BCLAF3: variants seen among roughly 807,000 people sequenced by gnomAD.
BCLAF3 encodes transient octamer binding factor 1.
BCLAF3 carries 24 observed loss-of-function variants against 51.2 expected under a neutral mutation model. The observed-to-expected ratio is 0.47, with a 90% CI of 0.34 to 0.66. The LOEUF is 0.66. Ranked by LOEUF, BCLAF3 falls within the 30% of genes least tolerant of loss-of-function variation. The pLI, the probability that BCLAF3 is intolerant of heterozygous loss-of-function variation, is 0.01. For missense variants in BCLAF3, 465 were observed against 525.1 expected (o/e 0.89, Z 1.12); for synonymous variants, 152 against 176.6 (o/e 0.86, Z 1.10).
At chrX:19,952,728 G>C (rs1248378119) in intron 7 of BCLAF3, among the ~76,000 whole-genome samples, 1 of 111,794 alleles carries the variant, frequency 8.9e-6, no homozygotes, top group African/African-American at 3.3e-5. Flanking sequence ...ATCAAATGCT[G>C]TAATTGCGTG....
intron 11 of BCLAF3, among the ~76,000 whole-genome samples, 153 bp from the exon 12 acceptor site, chrX:19,917,487 C>T (rs752331876): frequency 3.9e-4 from 43 of 111,302 alleles, no homozygotes; most frequent in Non-Finnish European, 5.3e-4. Context: ...ACCCCAAAGG[C>T]GCAAAGTAAC....
rs1190677123 is a variant in BCLAF3 at position 19,913,142 on chromosome X, C to T, written c.*4163G>A. The T allele has an allele frequency of 2.7e-5, 3 of 111,989 alleles. No homozygotes were observed. The East Asian group carries it at 8.4e-4, about 31-fold the overall frequency. 9.2% of individuals were successfully genotyped at this position (111,989 alleles called of 1,213,427 possible). ...AGGCTGGAGTGCAATGGCGTGGCCT[C>T]GGTTCACTGCAACCTTCGCCTCCCG... On this transcript the variant is annotated 3_prime_UTR_variant, in exon 12 of 12. Transcript: ENST00000379682.
chrX:19,933,039 G>A (rs1179071133), intron 10 of BCLAF3, among the ~76,000 whole-genome samples: 1 of 111,924 alleles, frequency 8.9e-6, no homozygotes, highest in East Asian at 2.8e-4. Context: ...AGCAACTAAA[G>A]CAATGCCAGG....
chrX:19,955,432 T>C lies in BCLAF3; in HGVS notation c.1409A>G (p.Glu470Gly), dbSNP rs2071629675. 5.8e-6 allele frequency: 7 copies of C among 1,196,997 alleles called. No individual in the cohort carries two copies. The highest frequency in any genetic ancestry group is 1.8e-5 in the African/African-American group (1 of 56,509). The change falls in exon 5 of 12, where the codon GAA becomes GGA. Residue 470 changes from glutamate (E) to glycine (G), a missense_variant. Glu to Gly is a moderately conservative substitution (Grantham distance 98). Transcript: ENST00000379682. ...TQNTENKPTGEFAQEIITIIH... is the reference protein window; with the variant it reads ...TQNTENKPTGGFAQEIITIIH... Reference sequence around the variant, plus strand: ...TATTGTTATGATTTCCTGAGCAAATTCTCCTGTAGGTTTGTTTTCAGTATT... The same window carrying C: ...TATTGTTATGATTTCCTGAGCAAATCCTCCTGTAGGTTTGTTTTCAGTATT...
At chrX:19,984,842 C>T (rs1396323977) in intron 1 of BCLAF3, among the ~76,000 whole-genome samples, 2 of 110,793 alleles carry the variant, frequency 1.8e-5, no homozygotes, top group Non-Finnish European at 3.8e-5. Context: ...TGCACCACCA[C>T]GCCCGGCTAA....
At chrX:19,954,201 C>T in intron 5 of BCLAF3, 1 of 753,372 alleles carries the variant, frequency 1.3e-6, no homozygotes, top group Non-Finnish European at 1.6e-6. Context: ...CAAGGTAAGA[C>T]TTACTATATC....
In BCLAF3 at chrX:19,965,451, C is replaced by T. The variant is rs1222500223; in HGVS notation, c.867G>A (p.Leu289=). Residue 289 remains leucine (L), a synonymous_variant, in exon 4 of 12, where the codon TTG becomes TTA. Coordinates refer to ENST00000379682, the MANE Select transcript of BCLAF3 (RefSeq NM_001367774.2). ...YDYRHKRPKL[L]DGDQDFSDGR... ...CATCAGAAAAGTCCTGGTCCCCATC[C>T]AAGAGCTTAGGACGTTTGTGACGAT... 1 of 1,210,134 alleles carries T rather than the reference C, an allele frequency of 8.3e-7. No homozygotes were observed. Among genetic ancestry groups the T allele is most frequent in the Non-Finnish European group, 1.1e-6 (1 of 895,289 alleles).
chrX:19,962,902 T>C (rs1053210572), intron 4 of BCLAF3, among the ~76,000 whole-genome samples: 5 of 109,695 alleles, frequency 4.6e-5, no homozygotes, highest in Middle Eastern at 4.7e-3. Context: ...CTGGGCAACA[T>C]AGCAAGATTT....
intron 8 of BCLAF3, among the ~76,000 whole-genome samples, chrX:19,946,746 A>T (rs1042329461): frequency 1.8e-5 from 2 of 111,482 alleles, no homozygotes; most frequent in African/African-American, 6.5e-5. Context: ...TCTATTCCTT[A>T]AACAAAAGCA....
In BCLAF3 at chrX:19,957,740, TCTA is replaced by T. The variant is rs1482563425; in HGVS notation, c.1275-2177_1275-2175del. Among the ~76,000 whole-genome samples, 6 of 111,821 alleles carry T rather than the reference TCTA, an allele frequency of 5.4e-5. No individual in the cohort carries two copies. In the South Asian group the frequency reaches 1.1e-3, roughly 21 times the overall value. Reference sequence around the variant, plus strand: ...CCATTAAAATTTATCCTAGAGTTCCTCTACTACAAGATCTTTAATAAAAAATTT... The same window carrying T: ...CCATTAAAATTTATCCTAGAGTTCCTCTACAAGATCTTTAATAAAAAATTT... On this transcript the variant is annotated intron_variant, in intron 4 of 11. Coordinates refer to ENST00000379682, the MANE Select transcript of BCLAF3 (RefSeq NM_001367774.2).
intron 1 of BCLAF3, among the ~76,000 whole-genome samples, chrX:19,979,525 A>C (rs1220154166): frequency 9.0e-6 from 1 of 111,552 alleles, no homozygotes; most frequent in Non-Finnish European, 1.9e-5. Context: ...GAAACAAAAA[A>C]ATTGTGTGAC....
chrX:19,985,929 T>C (rs762347610), intron 1 of BCLAF3, among the ~76,000 whole-genome samples: 1 of 109,795 alleles, frequency 9.1e-6, no homozygotes, highest in Non-Finnish European at 1.9e-5. Context: ...TCAGTCTGAG[T>C]GACAGAGAGA....
rs1431908058 is a variant in BCLAF3 at position 19,953,040 on chromosome X, A to G, written c.1577T>C (p.Met526Thr). 1 of 1,202,667 alleles carries G rather than the reference A, an allele frequency of 8.3e-7. No individual in the cohort carries two copies. Among genetic ancestry groups the G allele is most frequent in the Admixed American group, 2.2e-5 (1 of 45,571 alleles). The stretch of plus-strand genomic sequence containing the variant: ...TTTACTCTGAAGCTCGGCCAAAGAC[A>G]TATCTATTCTCCTAAAATAATAAAG... ...SDPEIHRRID[M>T]SLAELQSKQA... is the part of the protein sequence containing the mutation. Residue 526 changes from methionine (M) to threonine (T), a missense_variant, in exon 7 of 12, where the codon ATG (methionine) becomes ACG (threonine). By Grantham distance (81) the Met-to-Thr change is moderately conservative. Coordinates refer to ENST00000379682, the MANE Select transcript of BCLAF3 (RefSeq NM_001367774.2).
chrX:19,921,102 A>T (rs756615832), intron 11 of BCLAF3, among the ~76,000 whole-genome samples: 138 of 111,966 alleles, frequency 1.2e-3, no homozygotes, highest in African/African-American at 4.1e-3. Context: ...GGGGAAATGC[A>T]GCTAGTAAGA....
intron 4 of BCLAF3, among the ~76,000 whole-genome samples, chrX:19,964,778 C>T (rs2071988672): frequency 9.0e-6 from 1 of 111,180 alleles, no homozygotes; most frequent in Admixed American, 9.6e-5. Context: ...CACGTGAATT[C>T]ATGAAGAGGA....
At position 19,916,510 on chromosome X, in the gene BCLAF3, G is replaced by A. The variant is rs2069941035; in HGVS notation, c.*795C>T. ...AAATGTGTAATGCTGTAGTAGTAAAGTACAATTTTCAAATATGAGATTTTG... is the reference window on the plus strand; with the variant it reads ...AAATGTGTAATGCTGTAGTAGTAAAATACAATTTTCAAATATGAGATTTTG... On this transcript the variant is annotated 3_prime_UTR_variant, in exon 12 of 12. Coordinates refer to ENST00000379682, the MANE Select transcript of BCLAF3 (RefSeq NM_001367774.2). The A allele has an allele frequency of 8.9e-6, 1 of 112,191 alleles. No individual in the cohort carries two copies. Among genetic ancestry groups the A allele is most frequent in the Non-Finnish European group, 1.9e-5 (1 of 53,125 alleles). 9.2% of individuals were successfully genotyped at this position (112,191 alleles called of 1,213,427 possible).
At position 19,935,909 on chromosome X, in the gene BCLAF3, A is replaced by G. The variant is rs1179054979; in HGVS notation, c.1861-11T>C. The G allele has an allele frequency of 1.7e-5, 20 of 1,170,474 alleles. No homozygotes were observed. Among genetic ancestry groups the G allele is most frequent in the Non-Finnish European group, 2.3e-5 (20 of 858,968 alleles). On this transcript the variant is annotated splice_polypyrimidine_tract_variant and intron_variant, in intron 9 of 11. Coordinates refer to ENST00000379682, the MANE Select transcript of BCLAF3 (RefSeq NM_001367774.2). ...CTGCGTAGTATAATTCTGCACGAAA[A>G]AAAGTAGTAGTGTGGGTTAACAGAC...
chrX:19,950,346 G>A (rs952430813), intron 8 of BCLAF3, among the ~76,000 whole-genome samples: 8 of 111,713 alleles, frequency 7.2e-5, no homozygotes, highest in African/African-American at 1.3e-4. Context: ...ACAAAGAGTC[G>A]CAAAAGATAA....
intron 1 of BCLAF3, among the ~76,000 whole-genome samples, chrX:19,984,453 TAC>T (rs1285058452): frequency 9.0e-6 from 1 of 111,128 alleles, no homozygotes; most frequent in Non-Finnish European, 1.9e-5. Context: ...TACTAATGAA[TAC>T]AGTTTCTTCT....
Sources: allele counts gnomAD v4.1 joint callset (sites outside exome capture counted in the v4.1 genomes callset), GRCh38; gene constraint gnomAD v4.1.1; transcripts MANE v1.5; gene names NCBI Gene and HGNC (gene_info 2026-07-23, HGNC 2026-07-21).